The following LRRC4C variants were observed in gnomAD, a reference collection of about 807,000 sequenced individuals.
LRRC4C encodes the protein leucine-rich repeat-containing protein 4C.
A neutral mutation model predicts 33.6 loss-of-function variants in LRRC4C; 5 were observed. The ratio of observed to expected loss-of-function variants is 0.15; its 90% CI spans 0.08 to 0.31. The LOEUF (loss-of-function observed/expected upper bound fraction) is 0.31. Ranked by LOEUF, LRRC4C falls within the 10% of genes least tolerant of loss-of-function variation. The probability of loss-of-function intolerance (pLI) is 1.00; values close to 1 mark genes in which losing one functional copy is unlikely to be tolerated. For missense variants in LRRC4C, 560 were observed against 796.7 expected, an observed-to-expected ratio of 0.70 and a Z score of 3.58; for synonymous variants, 329 against 302.0, an observed-to-expected ratio of 1.09 and a Z score of -0.93.
In LRRC4C at chr11:41,244,171, C is replaced by CTCTATCTATCTATCTATCTATCTA. The variant is rs373356899; in HGVS notation, c.-496+215259_-496+215260insTAGATAGATAGATAGATAGATAGA. ...ACCATGTTAGTTTCAAGAAAGTTTTCTCTATCTATCTATCTATCTATCGAT... is the reference window on the plus strand; with the variant it reads ...ACCATGTTAGTTTCAAGAAAGTTTTCTCTATCTATCTATCTATCTATCTATCTATCTATCTATCTATCTATCGAT... On this transcript the variant is annotated intron_variant, in intron 1 of 6. Coordinates refer to ENST00000528697, the MANE Select transcript of LRRC4C (RefSeq NM_001258419.2). 5.3e-3 allele frequency among the ~76,000 whole-genome samples: 772 copies of CTCTATCTATCTATCTATCTATCTA among 146,792 alleles called. 4 individuals are homozygous for CTCTATCTATCTATCTATCTATCTA. The highest frequency in any genetic ancestry group is 8.0e-3 in the South Asian group (38 of 4,722).
chr11:40,342,878 ATATT>A (rs1946935752), intron 3 of LRRC4C, among the ~76,000 whole-genome samples: 1 of 152,076 alleles, frequency 6.6e-6, no homozygotes, highest in Non-Finnish European at 1.5e-5. Context: ...ACCTACCTAT[ATATT>A]TATCTATTCA....
At chr11:40,324,276 G>A (rs1945989696) in intron 3 of LRRC4C, among the ~76,000 whole-genome samples, 1 of 152,180 alleles carries the variant, frequency 6.6e-6, no homozygotes, top group Non-Finnish European at 1.5e-5. Flanking sequence ...GTATTGCTCT[G>A]GCAATAGTGC....
intron 3 of LRRC4C, among the ~76,000 whole-genome samples, chr11:40,558,973 C>A (rs933534877): frequency 6.6e-6 from 1 of 152,068 alleles, no homozygotes; most frequent in Non-Finnish European, 1.5e-5. Context: ...TTTTTGTTCC[C>A]GTGCTAGTTT....
intron 2 of LRRC4C, among the ~76,000 whole-genome samples, chr11:40,820,702 C>T (rs1217614716): frequency 1.3e-5 from 2 of 151,756 alleles, no homozygotes; most frequent in Non-Finnish European, 3.0e-5. Context: ...TTCATCTTGA[C>T]AATAAGCATT....
At chr11:40,153,322 A>C (rs994114178) in intron 5 of LRRC4C, among the ~76,000 whole-genome samples, 5 of 152,176 alleles carry the variant, frequency 3.3e-5, no homozygotes, top group African/African-American at 1.2e-4. Flanking sequence ...CCTTTGACAG[A>C]GCCTATCCAA....
intron 5 of LRRC4C, among the ~76,000 whole-genome samples, chr11:40,220,350 T>A (rs1163821558): frequency 1.3e-5 from 2 of 152,210 alleles, no homozygotes; most frequent in Non-Finnish European, 2.9e-5. Context: ...TTCATATATA[T>A]GTTATAATAA....
intron 3 of LRRC4C, among the ~76,000 whole-genome samples, chr11:40,575,255 G>A (rs372040907): frequency 6.6e-6 from 1 of 152,152 alleles, no homozygotes; most frequent in East Asian, 1.9e-4. Flanking sequence ...GGGGTTCCCA[G>A]CCATATGTAG....
intron 1 of LRRC4C, among the ~76,000 whole-genome samples, chr11:41,257,668 G>C (rs11036322): frequency 8.5e-5 from 13 of 152,146 alleles, no homozygotes; most frequent in African/African-American, 3.1e-4. Context: ...TCACCAGGGG[G>C]CAAAGGAGCT....
chr11:40,570,136 T>C (rs915000864), intron 3 of LRRC4C, among the ~76,000 whole-genome samples: 3 of 152,138 alleles, frequency 2.0e-5, no homozygotes, highest in African/African-American at 7.2e-5. Flanking sequence ...AATTTATATG[T>C]ATATTACAGT....
chr11:40,711,495 A>G (rs1946463090), intron 2 of LRRC4C, among the ~76,000 whole-genome samples: 2 of 152,218 alleles, frequency 1.3e-5, no homozygotes, highest in Admixed American at 6.5e-5. Context: ...AGGTTATGGT[A>G]GAGAGACTGT....
chr11:40,257,456 G>T (rs1368832410), intron 4 of LRRC4C, among the ~76,000 whole-genome samples: 3 of 151,964 alleles, frequency 2.0e-5, no homozygotes, highest in Admixed American at 1.3e-4. Context: ...ATTATTTCTA[G>T]TTCCCAAGTA....
intron 2 of LRRC4C, among the ~76,000 whole-genome samples, chr11:40,897,392 T>A (rs1955992260): frequency 6.6e-6 from 1 of 152,200 alleles, no homozygotes; most frequent in African/African-American, 2.4e-5. Flanking sequence ...AATTGAAACA[T>A]GAGTCAAAGA....
At chr11:41,239,135 G>A (rs1948143449) in intron 1 of LRRC4C, among the ~76,000 whole-genome samples, 2 of 140,512 alleles carry the variant, frequency 1.4e-5, no homozygotes, top group South Asian at 2.4e-4. Context: ...CCAACACGGT[G>A]AAACCCCGTC....
chr11:40,497,230 C>G (rs570670227), intron 3 of LRRC4C, among the ~76,000 whole-genome samples: 1 of 152,026 alleles, frequency 6.6e-6, no homozygotes, highest in East Asian at 1.9e-4. Context: ...ATGGTGAAAC[C>G]CCGTCTCTAC....
chr11:40,787,923 A>G (rs1175952386), intron 2 of LRRC4C, among the ~76,000 whole-genome samples: 1 of 152,194 alleles, frequency 6.6e-6, no homozygotes, highest in African/African-American at 2.4e-5. Context: ...CTTCCCATGG[A>G]GAAAAAAGGT....
chr11:40,307,700 T>G (rs1000332525), intron 4 of LRRC4C, among the ~76,000 whole-genome samples: 3 of 152,222 alleles, frequency 2.0e-5, no homozygotes, highest in Non-Finnish European at 2.9e-5. Context: ...TGAGCACAGT[T>G]GCTGGCATAT....
chr11:40,655,160 A>G (rs937534983), intron 2 of LRRC4C, among the ~76,000 whole-genome samples: 21 of 152,184 alleles, frequency 1.4e-4, no homozygotes, highest in African/African-American at 5.1e-4. Flanking sequence ...CTAGTTATTT[A>G]TTCATTTAGC....
intron 2 of LRRC4C, among the ~76,000 whole-genome samples, chr11:40,890,742 A>G (rs1010721196): frequency 6.6e-5 from 10 of 152,132 alleles, no homozygotes; most frequent in Non-Finnish European, 1.5e-4. Flanking sequence ...TGCTATGCCC[A>G]TAATGTATGT....
chr11:41,091,520 G>T (rs1940415767), intron 1 of LRRC4C, among the ~76,000 whole-genome samples: 2 of 151,852 alleles, frequency 1.3e-5, no homozygotes, highest in Non-Finnish European at 2.9e-5. Flanking sequence ...TGAGGAAAAA[G>T]GTAAATGTCT....
Sources: gnomAD v4.1 joint callset for allele counts (sites outside exome capture counted in the v4.1 genomes callset) on GRCh38, gnomAD v4.1.1 for gene constraint, MANE v1.5 for transcripts, NCBI Gene and HGNC (gene_info 2026-07-23, HGNC 2026-07-21) for gene names.